The following GLI2 variants were observed in gnomAD, a reference collection of about 807,000 sequenced individuals.
GLI2 encodes GLI family zinc finger 2.
A neutral mutation model predicts 78.9 loss-of-function variants in GLI2; 22 were observed. That is an observed-to-expected ratio of 0.28 (90% CI 0.20 to 0.40). GLI2 has a LOEUF of 0.40. Among genes scored for constraint, GLI2 ranks in the 10% least tolerant of loss-of-function variants. The probability of loss-of-function intolerance (pLI) is 1.00; values close to 1 mark genes in which losing one functional copy is unlikely to be tolerated. For synonymous variants in GLI2, 974 were observed against 963.7 expected, an observed-to-expected ratio of 1.01 and a Z score of -0.20; for missense variants, 2,097 against 2,213.2, an observed-to-expected ratio of 0.95 and a Z score of 1.05.
At chr2:120,891,490 A>G (rs1677677321) in intron 2 of GLI2, among the ~76,000 whole-genome samples, 1 of 152,204 alleles carries the variant, frequency 6.6e-6, no homozygotes, top group Non-Finnish European at 1.5e-5. Context: ...GACCTGGCCC[A>G]TGGTGAATGC....
At chr2:120,852,195 G>A (rs72835576) in intron 2 of GLI2, among the ~76,000 whole-genome samples, 68 of 152,232 alleles carry the variant, frequency 4.5e-4, no homozygotes, top group Non-Finnish European at 8.8e-4. Flanking sequence ...TGAGCTTGGA[G>A]TCTTTCAGGA....
intron 2 of GLI2, among the ~76,000 whole-genome samples, chr2:120,871,792 T>A (rs537417904): frequency 3.5e-4 from 53 of 152,358 alleles, no homozygotes; most frequent in African/African-American, 1.1e-3. Flanking sequence ...TGTCTTTTTT[T>A]ATATATTTAT....
intron 5 of GLI2, among the ~76,000 whole-genome samples, chr2:120,965,798 A>T (rs1305123591): frequency 3.3e-5 from 5 of 152,200 alleles, no homozygotes; most frequent in Admixed American, 3.3e-4. Flanking sequence ...AGCCTGCTCC[A>T]TGGGCCTCCC....
intron 1 of GLI2, among the ~76,000 whole-genome samples, chr2:120,757,141 A>G (rs1683056111): frequency 1.3e-5 from 2 of 151,332 alleles, no homozygotes; most frequent in African/African-American, 2.4e-5. Context: ...TACTGTTTTC[A>G]TGCTCTCATC....
intron 2 of GLI2, among the ~76,000 whole-genome samples, chr2:120,813,466 G>A (rs1478627382): frequency 2.6e-5 from 4 of 152,226 alleles, no homozygotes; most frequent in African/African-American, 9.6e-5. Context: ...CCCCTCAGCT[G>A]CGTTGAGTCT....
At chr2:120,921,454 C>A (rs1467942703) in intron 2 of GLI2, among the ~76,000 whole-genome samples, 3 of 152,104 alleles carry the variant, frequency 2.0e-5, no homozygotes, top group African/African-American at 4.8e-5. Context: ...CCTCCTGAAG[C>A]CTTGGGGTGT....
intron 3 of GLI2, among the ~76,000 whole-genome samples, chr2:120,948,713 G>A (rs908337357): frequency 5.9e-5 from 9 of 152,150 alleles, no homozygotes; most frequent in Non-Finnish European, 8.8e-5. Flanking sequence ...AATGGCTATC[G>A]CAGGGGGCCT....
chr2:120,959,710 T>C (rs1158524338), intron 5 of GLI2, among the ~76,000 whole-genome samples: 1 of 152,004 alleles, frequency 6.6e-6, no homozygotes, highest in Non-Finnish European at 1.5e-5. Flanking sequence ...CCATGGGAGC[T>C]GGGGAGGTGT....
chr2:120,805,992 C>T (rs1684929361), intron 2 of GLI2, among the ~76,000 whole-genome samples: 1 of 152,208 alleles, frequency 6.6e-6, no homozygotes, highest in Non-Finnish European at 1.5e-5. Context: ...TATCAAAAGA[C>T]ACAGCTAATG....
At chr2:120,905,544 CCCT>C (rs1415615160) in intron 2 of GLI2, among the ~76,000 whole-genome samples, 1 of 152,206 alleles carries the variant, frequency 6.6e-6, no homozygotes, top group Non-Finnish European at 1.5e-5. Context: ...GAAGCTAAAG[CCCT>C]CCTCCTTTCC....
At chr2:120,757,110 A>T (rs1683054694) in intron 1 of GLI2, among the ~76,000 whole-genome samples, 1 of 152,096 alleles carries the variant, frequency 6.6e-6, no homozygotes, top group African/African-American at 2.4e-5. Context: ...AACTCTTTGG[A>T]CACAGGAATT....
chr2:120,931,073 G>T (rs781429666), intron 3 of GLI2, among the ~76,000 whole-genome samples: 1 of 152,256 alleles, frequency 6.6e-6, no homozygotes, highest in Non-Finnish European at 1.5e-5. Flanking sequence ...TCCTAAGGCT[G>T]CTGTAACTAA....
At chr2:120,870,849 C>T (rs917539585) in intron 2 of GLI2, among the ~76,000 whole-genome samples, 13 of 152,184 alleles carry the variant, frequency 8.5e-5, no homozygotes, top group Non-Finnish European at 1.9e-4. Context: ...ATACATGCAA[C>T]CTGCATGCCC....
chr2:120,972,887 G>C (rs115653946), intron 8 of GLI2, among the ~76,000 whole-genome samples: 1,966 of 152,214 alleles, frequency 0.013, 36 homozygotes, highest in African/African-American at 0.045. Context: ...ACAGCATGCG[G>C]GCAGCCCCCA....
Position 120,992,273 on chromosome 2 carries a change from G to T in GLI2, c.*1598G>T. The T allele has an allele frequency of 6.6e-6, 1 of 152,532 alleles. No homozygotes were observed. 9.4% of individuals were successfully genotyped at this position (152,532 alleles called of 1,614,324 possible). A position where few individuals can be genotyped will look rare whatever the true frequency, so the allele number is the denominator to read the frequency against. On this transcript the variant is annotated 3_prime_UTR_variant, in exon 14 of 14. Coordinates refer to ENST00000361492, the MANE Select transcript of GLI2 (RefSeq NM_001374353.1). Reference sequence around the variant, plus strand: ...CAGGGAACATTGCTAAGGGTCTGTGGCTCTGTGGTGGTGTTCATCGCCTTC... The same window carrying T: ...CAGGGAACATTGCTAAGGGTCTGTGTCTCTGTGGTGGTGTTCATCGCCTTC...
At chr2:120,895,471 G>A (rs1677974240) in intron 2 of GLI2, among the ~76,000 whole-genome samples, 1 of 152,156 alleles carries the variant, frequency 6.6e-6, no homozygotes, top group Admixed American at 6.5e-5. Flanking sequence ...GGGAGGCCAA[G>A]GCAGGCAAAT....
intron 2 of GLI2, among the ~76,000 whole-genome samples, chr2:120,886,158 A>T: frequency 1.1e-5 from 1 of 87,076 alleles, no homozygotes; most frequent in Admixed American, 1.1e-4. Context: ...AATTTTTCCA[A>T]AGTGTGTGTG....
chr2:120,890,363 T>A (rs1677618436), intron 2 of GLI2, among the ~76,000 whole-genome samples: 1 of 152,168 alleles, frequency 6.6e-6, no homozygotes, highest in Admixed American at 6.5e-5. Context: ...ACAGAACTGT[T>A]TAGTATCCTG....
At chr2:120,773,477 G>A (rs1379743148) in intron 1 of GLI2, among the ~76,000 whole-genome samples, 14 of 152,220 alleles carry the variant, frequency 9.2e-5, no homozygotes, top group South Asian at 2.1e-4. Flanking sequence ...GCAGCCTGAC[G>A]TGCTGATGTT....
Sources: gnomAD v4.1 joint callset for allele counts (sites outside exome capture counted in the v4.1 genomes callset) on GRCh38, gnomAD v4.1.1 for gene constraint, MANE v1.5 for transcripts, NCBI Gene and HGNC (gene_info 2026-07-23, HGNC 2026-07-21) for gene names.